Variants in FRAS1 observed in about 807,000 individuals in gnomAD.
The protein encoded by FRAS1 is Fraser extracellular matrix complex subunit 1.
Under a neutral mutation model 435.2 loss-of-function variants are expected in FRAS1, and 290 were observed. The ratio of observed to expected loss-of-function variants is 0.67; its 90% CI spans 0.61 to 0.73. The LOEUF (loss-of-function observed/expected upper bound fraction) is 0.73. Among genes scored for constraint, FRAS1 ranks in the 30% least tolerant of loss-of-function variants. FRAS1 has a pLI of 0.00. For synonymous variants in FRAS1, 1,800 were observed against 1,851.0 expected (o/e 0.97, Z 0.71); for missense variants, 4,860 against 5,001.5 (o/e 0.97, Z 0.85).
chr4:78,226,235 T>G (rs1724265956), intron 2 of FRAS1, among the ~76,000 whole-genome samples: 1 of 152,152 alleles, frequency 6.6e-6, no homozygotes, highest in Admixed American at 6.5e-5. Flanking sequence ...GATGTTATTA[T>G]TTTTGTTTTA....
intron 32 of FRAS1, among the ~76,000 whole-genome samples, chr4:78,415,311 C>T (rs1379996727): frequency 6.6e-6 from 1 of 152,050 alleles, no homozygotes; most frequent in Non-Finnish European, 1.5e-5. Flanking sequence ...CGCATCACAA[C>T]TAAGGAACTT....
intron 2 of FRAS1, among the ~76,000 whole-genome samples, chr4:78,085,253 G>A (rs1026144728): frequency 2.3e-4 from 35 of 152,172 alleles, no homozygotes; most frequent in African/African-American, 6.7e-4. Flanking sequence ...AGTTTTAATT[G>A]TATTTCTGTG....
intron 18 of FRAS1, among the ~76,000 whole-genome samples, chr4:78,331,227 C>G (rs1729936011): frequency 6.6e-6 from 1 of 152,044 alleles, no homozygotes; most frequent in Non-Finnish European, 1.5e-5. Flanking sequence ...GTAAAAAATA[C>G]TCTTGAATAA....
chr4:78,429,112 A>C lies in FRAS1; in HGVS notation c.4729A>C (p.Thr1577Pro). ...FHFTVSDGEH[T>P]SPEMVLTIHL... ...CTTTTTAGTTTCAGATGGAGAACAC[A>C]CAAGTCCGGAGATGGTCCTCACCAT... Residue 1577 changes from threonine (T) to proline (P), a missense_variant, in exon 36 of 74, where the codon ACA becomes CCA. Physicochemically the swap from Thr to Pro is conservative, Grantham distance 38. Coordinates refer to ENST00000512123, the MANE Select transcript of FRAS1 (RefSeq NM_025074.7). The C allele has an allele frequency of 6.4e-7, 1 of 1,557,446 alleles. No individual in the cohort carries two copies.
chr4:78,203,141 C>T (rs952491972), intron 2 of FRAS1, among the ~76,000 whole-genome samples: 1 of 152,158 alleles, frequency 6.6e-6, no homozygotes, highest in Admixed American at 6.5e-5. Context: ...CAGACTGGTT[C>T]GATTTGTTTA....
intron 20 of FRAS1, among the ~76,000 whole-genome samples, chr4:78,354,044 AGCTT>A (rs1730753320): frequency 6.7e-6 from 1 of 150,078 alleles, no homozygotes; most frequent in African/African-American, 2.4e-5. Context: ...AAAAAAAAAA[AGCTT>A]CAAGATACAT....
At position 78,448,293 on chromosome 4, in the gene FRAS1, A is replaced by G. The variant is rs776483201; in HGVS notation, c.6251A>G (p.Asn2084Ser). ...AGTGACACACCTCACTTGGCTATAA[A>G]CCAAGGCCTACAGCTCTCAGCAGGT... Reference protein sequence around the residue: ...PASDTPHLAINQGLQLSAGSV... With the variant: ...PASDTPHLAISQGLQLSAGSV... Residue 2084 changes from asparagine (N) to serine (S), a missense_variant, in exon 44 of 74, where the codon AAC (asparagine) becomes AGC (serine). Coordinates refer to ENST00000512123, the MANE Select transcript of FRAS1 (RefSeq NM_025074.7). 6.2e-7 allele frequency: 1 copy of G among 1,610,558 alleles called. No homozygotes were observed. Among genetic ancestry groups the G allele is most frequent in the Non-Finnish European group, 8.5e-7 (1 of 1,178,806 alleles).
chr4:78,392,729 A>G (rs1338030209), intron 29 of FRAS1, among the ~76,000 whole-genome samples: 1 of 115,540 alleles, frequency 8.7e-6, no homozygotes, highest in East Asian at 2.1e-4. Context: ...ATAAAACATT[A>G]CTGGGCATTC....
intron 55 of FRAS1, among the ~76,000 whole-genome samples, chr4:78,478,513 G>T (rs1342237427): frequency 6.6e-6 from 1 of 152,194 alleles, no homozygotes; most frequent in Admixed American, 6.5e-5. Flanking sequence ...AATAAACTAT[G>T]TGTAAGAAAT....
At chr4:78,065,249 G>A (rs1169542087) in intron 1 of FRAS1, among the ~76,000 whole-genome samples, 2 of 147,002 alleles carry the variant, frequency 1.4e-5, no homozygotes, top group Admixed American at 6.9e-5. Flanking sequence ...GTATACATGT[G>A]TATATATATG....
At chr4:78,292,530 A>G (rs939998953) in intron 14 of FRAS1, among the ~76,000 whole-genome samples, 1 of 152,216 alleles carries the variant, frequency 6.6e-6, no homozygotes, top group Non-Finnish European at 1.5e-5. Context: ...AGTCATTTGC[A>G]GAAATGAAGC....
intron 47 of FRAS1, among the ~76,000 whole-genome samples, chr4:78,453,018 G>GATGGGAATAGC (rs371073042): frequency 0.026 from 3,925 of 152,282 alleles, 166 homozygotes; most frequent in African/African-American, 0.09. Context: ...TCTTTCCAGA[G>GATGGGAATAGC]ATGGGAGGCA....
At chr4:78,483,830 CAT>C (rs145745247) in intron 58 of FRAS1, among the ~76,000 whole-genome samples, 23,636 of 120,630 alleles carry the variant, frequency 0.2, 2,532 homozygotes, top group Admixed American at 0.27. Flanking sequence ...CACACACACA[CAT>C]ACAACAAACA....
rs1727161802 is a variant in FRAS1 at position 78,278,361 on chromosome 4, ACC to A, written c.982-293_982-292del. Among the ~76,000 whole-genome samples, 4 of 152,318 alleles carry A rather than the reference ACC, an allele frequency of 2.6e-5. No homozygotes were observed. In the South Asian group the frequency reaches 8.3e-4, roughly 32 times the overall value. On this transcript the variant is annotated intron_variant, in intron 9 of 73. Transcript: ENST00000512123. ...ATAACTTTCCTAGACTATAACATTA[ACC>A]TTGGTCTTCCTTCTTATTCATGTGA...
chr4:78,271,767 A>G (rs112558975), intron 9 of FRAS1, among the ~76,000 whole-genome samples: 47,624 of 152,144 alleles, frequency 0.31, 7,706 homozygotes, highest in East Asian at 0.38. Context: ...TAGTGCCGCA[A>G]TAAACATACG....
intron 4 of FRAS1, among the ~76,000 whole-genome samples, chr4:78,250,937 TC>T (rs1211274796): frequency 6.6e-6 from 1 of 152,210 alleles, no homozygotes; most frequent in Non-Finnish European, 1.5e-5. Flanking sequence ...TTTTCTTACT[TC>T]TTATAAATGC....
At chr4:78,359,003 A>G (rs1376621824) in intron 20 of FRAS1, among the ~76,000 whole-genome samples, 1 of 152,232 alleles carries the variant, frequency 6.6e-6, no homozygotes, top group Non-Finnish European at 1.5e-5. Context: ...AAAAAATGTC[A>G]TCGTTAGTAG....
chr4:78,524,534 G>C, intron 69 of FRAS1, among the ~76,000 whole-genome samples: 1 of 152,162 alleles, frequency 6.6e-6, no homozygotes. Flanking sequence ...TTAAAGACAG[G>C]TGCCTAAGAC....
At chr4:78,466,472 C>G in intron 50 of FRAS1, 37 bp downstream of exon 50, 1 of 1,462,618 alleles carries the variant, frequency 6.8e-7, no homozygotes, top group Non-Finnish European at 9.5e-7. Flanking sequence ...TAGCCTAGCA[C>G]TGCATGGCAG....
Sources: allele counts gnomAD v4.1 joint callset (sites outside exome capture counted in the v4.1 genomes callset), GRCh38; gene constraint gnomAD v4.1.1; transcripts MANE v1.5; gene names NCBI Gene and HGNC (gene_info 2026-07-23, HGNC 2026-07-21).